OLFM3: variants seen among roughly 807,000 people sequenced by gnomAD.
OLFM3 encodes noelin-3.
A neutral mutation model predicts 48.6 loss-of-function variants in OLFM3; 20 were observed. The observed-to-expected ratio is 0.41, with a 90% CI of 0.29 to 0.60. The LOEUF (loss-of-function observed/expected upper bound fraction) is 0.60. Among genes scored for constraint, OLFM3 ranks in the 20% least tolerant of loss-of-function variants. The pLI is 0.28. For synonymous variants in OLFM3, 222 were observed against 198.1 expected (o/e 1.12, Z -1.01); for missense variants, 437 against 544.3 (o/e 0.80, Z 1.96).
At chr1:101,820,291 C>T (rs535006750) in intron 4 of OLFM3, among the ~76,000 whole-genome samples, 2 of 152,092 alleles carry the variant, frequency 1.3e-5, no homozygotes, top group Admixed American at 6.6e-5. Flanking sequence ...CAAACCATTG[C>T]CCTAAAACAG....
chr1:101,905,580 G>C (rs1055764368), intron 1 of OLFM3, among the ~76,000 whole-genome samples: 14 of 152,106 alleles, frequency 9.2e-5, no homozygotes, highest in African/African-American at 3.4e-4. Flanking sequence ...AAATTTCTCA[G>C]TGGGGAGTGC....
intron 1 of OLFM3, among the ~76,000 whole-genome samples, chr1:101,949,320 A>G (rs1483818994): frequency 1.3e-5 from 2 of 152,156 alleles, no homozygotes; most frequent in Non-Finnish European, 2.9e-5. Context: ...AAAGACAGAA[A>G]GGTATTTTTA....
At position 101,825,023 on chromosome 1, in the gene OLFM3, C is replaced by G; in HGVS notation, c.592+3G>C. The G allele has an allele frequency of 6.2e-7, 1 of 1,612,640 alleles. No individual in the cohort carries two copies. On this transcript the variant is annotated splice_donor_region_variant and intron_variant, in intron 4 of 5. Coordinates refer to ENST00000370103, the MANE Select transcript of OLFM3 (RefSeq NM_058170.4). ...CTTAGACAAATTAAATTGTCATACTCACTTAGCTTTTTCATGCAGTCACGA... is the reference window on the plus strand; with the variant it reads ...CTTAGACAAATTAAATTGTCATACTGACTTAGCTTTTTCATGCAGTCACGA...
intron 1 of OLFM3, among the ~76,000 whole-genome samples, chr1:101,849,051 C>T (rs566536785): frequency 2.6e-5 from 4 of 152,116 alleles, no homozygotes; most frequent in Non-Finnish European, 5.9e-5. Context: ...ATGCAAATTA[C>T]TACACTAAAG....
intron 1 of OLFM3, among the ~76,000 whole-genome samples, chr1:101,918,346 A>T (rs1642768912): frequency 6.6e-6 from 1 of 152,188 alleles, no homozygotes; most frequent in Non-Finnish European, 1.5e-5. Context: ...TGTTTTGGTC[A>T]GAAGGCTGAA....
intron 1 of OLFM3, among the ~76,000 whole-genome samples, chr1:101,870,085 T>A (rs1657016485): frequency 1.3e-5 from 2 of 152,176 alleles, no homozygotes; most frequent in African/African-American, 4.8e-5. Context: ...CTGTTAACAA[T>A]ATTAACATTC....
At chr1:101,929,226 C>G (rs776334271) in intron 1 of OLFM3, among the ~76,000 whole-genome samples, 8 of 152,128 alleles carry the variant, frequency 5.3e-5, no homozygotes, top group Non-Finnish European at 1.2e-4. Flanking sequence ...GTGTAATCAT[C>G]TTTTTGTTTC....
chr1:101,906,891 C>T (rs1658571903), intron 1 of OLFM3, among the ~76,000 whole-genome samples: 1 of 152,170 alleles, frequency 6.6e-6, no homozygotes, highest in African/African-American at 2.4e-5. Context: ...CATACACAAA[C>T]ATGCATGCAT....
intron 1 of OLFM3, among the ~76,000 whole-genome samples, chr1:101,902,310 A>T (rs1165638109): frequency 6.6e-6 from 1 of 152,064 alleles, no homozygotes; most frequent in Non-Finnish European, 1.5e-5. Context: ...TAATGGTTAA[A>T]TTTGAGAAGT....
At chr1:101,970,319 T>C (rs890729752) in intron 1 of OLFM3, among the ~76,000 whole-genome samples, 2 of 152,186 alleles carry the variant, frequency 1.3e-5, no homozygotes, top group African/African-American at 4.8e-5. Context: ...GCCAGCCTTT[T>C]TCTTTTCACT....
Position 101,822,900 on chromosome 1 carries a change from C to T in OLFM3, c.592+2126G>A, listed in dbSNP as rs1033633682. On this transcript the variant is annotated intron_variant, in intron 4 of 5. Coordinates refer to ENST00000370103, the MANE Select transcript of OLFM3 (RefSeq NM_058170.4). ...AGCATGTAAAATAATTATTTAAGTG[C>T]TATGTTAAATAAATAACTTTTCCCT... Among the ~76,000 whole-genome samples, 11 of 150,310 alleles carry T rather than the reference C, an allele frequency of 7.3e-5. 1 individual carries two copies. The highest frequency in any genetic ancestry group is 1.5e-4 in the Non-Finnish European group (10 of 66,802).
chr1:101,804,109 A>T lies in OLFM3; in HGVS notation c.*129T>A. On this transcript the variant is annotated 3_prime_UTR_variant, in exon 6 of 6. Coordinates refer to ENST00000370103, the MANE Select transcript of OLFM3 (RefSeq NM_058170.4). This position sits in a 1 kb window ranked among gnomAD's most constrained non-coding sequence, Gnocchi z 4.5. ...GCTCAGCTATGTTTTTGAAACACCA[A>T]CTTTACAATAAAAATGCTTTGCTTT... 1.4e-6 allele frequency: 1 copy of T among 729,906 alleles called. No homozygotes were observed. The highest frequency in any genetic ancestry group is 2.1e-6 in the Non-Finnish European group (1 of 476,964). The allele number at this position is 729,906 out of a possible 1,614,324, so 45.2% of individuals were successfully genotyped here. A position where few individuals can be genotyped will look rare whatever the true frequency, so the allele number is the denominator to read the frequency against.
intron 1 of OLFM3, among the ~76,000 whole-genome samples, chr1:101,950,216 C>G (rs1271391261): frequency 2.0e-5 from 3 of 152,062 alleles, no homozygotes; most frequent in Non-Finnish European, 4.4e-5. Flanking sequence ...CTTGAACTCA[C>G]CAACATGGTT....
chr1:101,815,010 T>C (rs1654260564), intron 4 of OLFM3, among the ~76,000 whole-genome samples: 1 of 152,314 alleles, frequency 6.6e-6, no homozygotes, highest in East Asian at 1.9e-4. Context: ...GTAGTCCACA[T>C]TGTTTGTAAA....
chr1:101,951,537 A>G (rs10782864), intron 1 of OLFM3, among the ~76,000 whole-genome samples: 79,370 of 151,874 alleles, frequency 0.52, 21,145 homozygotes, highest in Middle Eastern at 0.62. Flanking sequence ...ATGATCTACC[A>G]TCTGTAAGTG....
chr1:101,807,043 A>C (rs948912308), intron 4 of OLFM3, among the ~76,000 whole-genome samples: 1 of 151,822 alleles, frequency 6.6e-6, no homozygotes, highest in African/African-American at 2.4e-5. Flanking sequence ...CTGTATTTTA[A>C]AATAATGTTT....
chr1:101,806,924 G>A lies in OLFM3; in HGVS notation c.593-742C>T, dbSNP rs187636101. ...ATTTTTATCAGCCCAGCCCACCTGTGAATAAGATCTTAGAAATAGCTTGGA... is the reference window on the plus strand; with the variant it reads ...ATTTTTATCAGCCCAGCCCACCTGTAAATAAGATCTTAGAAATAGCTTGGA... On this transcript the variant is annotated intron_variant, in intron 4 of 5. Coordinates refer to ENST00000370103, the MANE Select transcript of OLFM3 (RefSeq NM_058170.4). 1.4e-4 allele frequency among the ~76,000 whole-genome samples: 21 copies of A among 151,826 alleles called. No individual in the cohort carries two copies. In the East Asian group the frequency reaches 4.1e-3, roughly 30 times the overall value.
At chr1:101,959,559 A>G (rs746409245) in intron 1 of OLFM3, among the ~76,000 whole-genome samples, 4 of 152,174 alleles carry the variant, frequency 2.6e-5, no homozygotes, top group Non-Finnish European at 5.9e-5. Flanking sequence ...GGATATTATC[A>G]GTTCTTAATG....
At chr1:101,960,196 G>T (rs1016212926) in intron 1 of OLFM3, among the ~76,000 whole-genome samples, 2 of 152,132 alleles carry the variant, frequency 1.3e-5, no homozygotes, top group Admixed American at 6.6e-5. Context: ...GAATAACTTG[G>T]AAAGAGAGGT....
Sources: gnomAD v4.1 joint callset for allele counts (sites outside exome capture counted in the v4.1 genomes callset) on GRCh38, gnomAD v4.1.1 for gene constraint, Gnocchi (gnomAD v3.1) non-coding constraint, MANE v1.5 for transcripts, NCBI Gene and HGNC (gene_info 2026-07-23, HGNC 2026-07-21) for gene names.